Variants in CES5A observed in about 807,000 individuals in gnomAD.
CES5A encodes carboxylesterase 5.
CES5A carries 67 observed loss-of-function variants against 62.9 expected under a neutral mutation model. The observed-to-expected ratio is 1.07, with a 90% CI of 0.88 to 1.31. CES5A has a LOEUF of 1.31. Among genes scored for constraint, CES5A ranks in the 50% most tolerant of loss-of-function variants. The pLI, the probability that CES5A is intolerant of heterozygous loss-of-function variation, is 0.00. For synonymous variants in CES5A, 296 were observed against 280.8 expected, an observed-to-expected ratio of 1.05 and a Z score of -0.54; for missense variants, 748 against 708.5, an observed-to-expected ratio of 1.06 and a Z score of -0.63.
At position 55,901,154 on chromosome 16, in the gene CES5A, C is replaced by G. The variant is rs145054685; in HGVS notation, c.-256+24169G>C. Among the ~76,000 whole-genome samples, 304 of 152,256 alleles carry G rather than the reference C, an allele frequency of 2.0e-3. 2 individuals carry two copies. The highest frequency in any genetic ancestry group is 3.6e-3 in the Non-Finnish European group (243 of 68,008). On this transcript the variant is annotated intron_variant, in intron 1 of 12. Transcript: ENST00000518005. ...TCCCATGCTGTTCTCATGATAGTGACTAAGTCTCACAAGATCTGATGGTTT... is the reference window on the plus strand; with the variant it reads ...TCCCATGCTGTTCTCATGATAGTGAGTAAGTCTCACAAGATCTGATGGTTT...
intron 1 of CES5A, among the ~76,000 whole-genome samples, chr16:55,911,048 C>A (rs578243846): frequency 6.6e-6 from 1 of 152,290 alleles, no homozygotes; most frequent in East Asian, 1.9e-4. Context: ...TTTGTCCCCT[C>A]CCCACTCATC....
At chr16:55,894,047 A>G (rs903391533) in intron 1 of CES5A, among the ~76,000 whole-genome samples, 1 of 152,200 alleles carries the variant, frequency 6.6e-6, no homozygotes, top group Non-Finnish European at 1.5e-5. Flanking sequence ...TTTTGTTAGA[A>G]AAAATAGAAA....
At chr16:55,850,030 A>C (rs563947419) in intron 10 of CES5A, among the ~76,000 whole-genome samples, 148 of 152,316 alleles carry the variant, frequency 9.7e-4, no homozygotes, top group African/African-American at 3.5e-3. Flanking sequence ...GCCAAGATCT[A>C]CTTTGTTGGG....
chr16:55,872,294 G>A (rs769876800), intron 2 of CES5A, among the ~76,000 whole-genome samples: 19 of 152,174 alleles, frequency 1.2e-4, no homozygotes, highest in Non-Finnish European at 1.8e-4. Context: ...CTCTCTCCCT[G>A]TATCTGCGTG....
At chr16:55,901,002 GC>G (rs1225588898) in intron 1 of CES5A, among the ~76,000 whole-genome samples, 1 of 152,126 alleles carries the variant, frequency 6.6e-6, no homozygotes, top group Non-Finnish European at 1.5e-5. Flanking sequence ...TCATACCTAG[GC>G]CAGGGGCCTC....
chr16:55,944,233 T>TGAG (rs1370495168), intron 2 of CES5A: 2 of 627,328 alleles, frequency 3.2e-6, no homozygotes, highest in African/African-American at 3.7e-5. Flanking sequence ...AAGACCCCTC[T>TGAG]CCTCCAGGGA....
At chr16:55,901,722 G>A (rs192492368) in intron 1 of CES5A, among the ~76,000 whole-genome samples, 7 of 152,290 alleles carry the variant, frequency 4.6e-5, no homozygotes, top group Non-Finnish European at 5.9e-5. Context: ...TCCCCCTGAC[G>A]GTTTCCATGG....
intron 8 of CES5A, among the ~76,000 whole-genome samples, chr16:55,858,161 G>T (rs1442648136): frequency 1.3e-5 from 2 of 152,156 alleles, no homozygotes; most frequent in African/African-American, 4.8e-5. Flanking sequence ...ATCCACCACT[G>T]CACTCCAGCC....
intron 2 of CES5A, among the ~76,000 whole-genome samples, chr16:55,872,151 T>C (rs12599795): frequency 0.48 from 72,697 of 151,646 alleles, 20,221 homozygotes; most frequent in Non-Finnish European, 0.62. Context: ...GCTTTGCCCC[T>C]GCGGCTCCCT....
Position 55,859,643 on chromosome 16 carries a change from A to G in CES5A, c.960T>C (p.Pro320=), listed in dbSNP as rs778389537. 3.7e-6 allele frequency: 6 copies of G among 1,613,358 alleles called. No homozygotes were observed. The South Asian group carries it at 5.5e-5, about 15-fold the overall frequency. ...GAGACAATAGATCTAGAGGCTCATT[A>G]GGAAAGAAAGCACCATCAACCACTC... ...FTRVVDGAFF[P]NEPLDLLSQK... is the part of the protein sequence containing the mutation. The change falls in exon 8 of 13, where the codon CCT becomes CCC. Residue 320 remains proline (P), a synonymous_variant. Coordinates refer to ENST00000290567, the MANE Select transcript of CES5A (RefSeq NM_001143685.2).
rs762807654 is a variant in CES5A at position 55,955,843 on chromosome 16, C to G, written c.42+1G>C. On this transcript the variant is annotated splice_donor_variant, in intron 1 of 13. Coordinates refer to the CES5A transcript ENST00000521992. LOFTEE classifies it high-confidence loss of function. ...AGTAGCACCCTGTGGCTAATACTCACCTTTAGGCCATGGCATGAAGCAGGG... is the reference window on the plus strand; with the variant it reads ...AGTAGCACCCTGTGGCTAATACTCAGCTTTAGGCCATGGCATGAAGCAGGG... 1.3e-5 allele frequency: 20 copies of G among 1,535,950 alleles called. No individual in the cohort carries two copies. The highest frequency in any genetic ancestry group is 1.7e-5 in the Non-Finnish European group (19 of 1,146,872).
chr16:55,859,411 G>A (rs181830227), intron 8 of CES5A, 136 bp downstream of exon 8: 3 of 778,260 alleles, frequency 3.9e-6, no homozygotes, highest in Non-Finnish European at 4.2e-6. Flanking sequence ...AGAGAGTAAA[G>A]GTGATCACTG....
chr16:55,916,442 G>C (rs975471224), intron 1 of CES5A, among the ~76,000 whole-genome samples: 4 of 152,200 alleles, frequency 2.6e-5, no homozygotes, highest in Admixed American at 2.0e-4. Flanking sequence ...CTTGGACTAA[G>C]CCCAGGAATG....
At chr16:55,883,431 C>T (rs920355084) in intron 1 of CES5A, among the ~76,000 whole-genome samples, 17 of 152,068 alleles carry the variant, frequency 1.1e-4, no homozygotes, top group African/African-American at 4.1e-4. Flanking sequence ...ACCACCACAC[C>T]CAGCTAATTT....
chr16:55,934,363 T>C (rs1176504552), intron 2 of CES5A, among the ~76,000 whole-genome samples: 9 of 152,204 alleles, frequency 5.9e-5, no homozygotes. Flanking sequence ...AATAAATAAA[T>C]ATGTGAAATG....
intron 1 of CES5A, among the ~76,000 whole-genome samples, chr16:55,904,907 G>A (rs1183531633): frequency 6.6e-6 from 1 of 152,144 alleles, no homozygotes; most frequent in African/African-American, 2.4e-5. Context: ...AACACAGAGT[G>A]TCAACTTCTC....
At chr16:55,897,343 G>C (rs2033944394) in intron 1 of CES5A, among the ~76,000 whole-genome samples, 1 of 152,142 alleles carries the variant, frequency 6.6e-6, no homozygotes, top group Admixed American at 6.5e-5. Context: ...AAAATGCCAA[G>C]ATGCTCCCAG....
chr16:55,919,425 G>A (rs1250893356), intron 1 of CES5A, among the ~76,000 whole-genome samples: 1 of 152,122 alleles, frequency 6.6e-6, no homozygotes, highest in African/African-American at 2.4e-5. Flanking sequence ...ACCACCCAGG[G>A]CCCTCTGGAA....
At chr16:55,931,603 A>C (rs1335870464) in intron 2 of CES5A, among the ~76,000 whole-genome samples, 1 of 152,138 alleles carries the variant, frequency 6.6e-6, no homozygotes, top group East Asian at 1.9e-4. Context: ...TCCTTTATGC[A>C]TGCCACTTCT....
Sources: allele counts gnomAD v4.1 joint callset (sites outside exome capture counted in the v4.1 genomes callset), GRCh38; gene constraint gnomAD v4.1.1; transcripts MANE v1.5; gene names NCBI Gene and HGNC (gene_info 2026-07-23, HGNC 2026-07-21).